The following ERICH6 variants were observed in gnomAD, a reference collection of about 807,000 sequenced individuals.
The protein encoded by ERICH6 is glutamate rich 6.
A neutral mutation model predicts 71.0 loss-of-function variants in ERICH6; 71 were observed. The observed-to-expected ratio is 1.00, with a 90% CI of 0.83 to 1.22. The LOEUF (loss-of-function observed/expected upper bound fraction) is 1.22, where lower values mean the gene tolerates loss of function less well. ERICH6 is among the 50% of genes most tolerant of loss of function. The pLI is 0.00. For synonymous variants in ERICH6, 262 were observed against 278.4 expected, an observed-to-expected ratio of 0.94 and a Z score of 0.59; for missense variants, 808 against 797.2, an observed-to-expected ratio of 1.01 and a Z score of -0.16.
intron 6 of ERICH6, 37 bp from the exon 7 acceptor site, chr3:150,682,353 A>ACACCCCG (rs1712002831): frequency 6.5e-7 from 1 of 1,528,228 alleles, no homozygotes; most frequent in Admixed American, 1.7e-5. Flanking sequence ...AGAAGTCCCC[A>ACACCCCG]CAAAGAGGCC....
At chr3:150,702,994 CAG>C (rs71676608) in intron 1 of ERICH6, among the ~76,000 whole-genome samples, 49,648 of 123,688 alleles carry the variant, frequency 0.4, 10,010 homozygotes, top group East Asian at 0.58. Context: ...GGAGGGGGAA[CAG>C]AGAGAGAGAG....
At chr3:150,663,588 C>A (rs1356544188) in intron 13 of ERICH6, among the ~76,000 whole-genome samples, 2 of 152,108 alleles carry the variant, frequency 1.3e-5, no homozygotes, top group African/African-American at 4.8e-5. Context: ...TATCCTTTCA[C>A]CTCAGCCTCC....
chr3:150,703,431 T>C, intron 1 of ERICH6, 65 bp downstream of exon 1: 2 of 1,481,714 alleles, frequency 1.3e-6, no homozygotes, highest in South Asian at 1.4e-5. Context: ...CACCCAGGAG[T>C]GGGTGGACCA....
chr3:150,681,866 G>A (rs1711962448), intron 7 of ERICH6, among the ~76,000 whole-genome samples: 1 of 134,942 alleles, frequency 7.4e-6, no homozygotes, highest in South Asian at 2.3e-4. Flanking sequence ...CCAGGCTGGA[G>A]TGCAGTGGCA....
At position 150,690,790 on chromosome 3, in the gene ERICH6, T is replaced by G. The variant is rs116810140; in HGVS notation, c.554-4436A>C. On this transcript the variant is annotated intron_variant, in intron 3 of 13. Coordinates refer to ENST00000295910, the MANE Select transcript of ERICH6 (RefSeq NM_152394.5). The stretch of plus-strand genomic sequence containing the variant: ...AGATGTCAAAATTTGACATAGGGGT[T>G]ACAAAACTATAAACCCAGCCCAAGA... Among the ~76,000 whole-genome samples, 540 of 152,328 alleles carry G rather than the reference T, an allele frequency of 3.5e-3. 5 individuals are homozygous for G. The highest frequency in any genetic ancestry group is 0.013 in the African/African-American group (523 of 41,596).
chr3:150,687,660 T>A (rs565964343), intron 3 of ERICH6, among the ~76,000 whole-genome samples: 5 of 152,126 alleles, frequency 3.3e-5, no homozygotes, highest in Non-Finnish European at 7.3e-5. Flanking sequence ...TTTGAGTAAA[T>A]GTCTAGAAGC....
At chr3:150,703,431 T>A (rs1403413800) in intron 1 of ERICH6, 65 bp downstream of exon 1, 36 of 1,481,598 alleles carry the variant, frequency 2.4e-5, no homozygotes, top group Middle Eastern at 2.3e-4. Flanking sequence ...CACCCAGGAG[T>A]GGGTGGACCA....
At chr3:150,669,643 A>G (rs1291455793) in intron 11 of ERICH6, among the ~76,000 whole-genome samples, 192 bp from the exon 12 acceptor site, 1 of 152,158 alleles carries the variant, frequency 6.6e-6, no homozygotes, top group African/African-American at 2.4e-5. Flanking sequence ...CCTCAACAAA[A>G]TCTTGCAAAT....
chr3:150,701,291 A>T (rs1712860629), intron 2 of ERICH6, among the ~76,000 whole-genome samples: 1 of 152,200 alleles, frequency 6.6e-6, no homozygotes, highest in South Asian at 2.1e-4. Flanking sequence ...AGAAAAACTA[A>T]AAATAATATA....
At chr3:150,689,964 C>T (rs796191081) in intron 3 of ERICH6, among the ~76,000 whole-genome samples, 1 of 152,144 alleles carries the variant, frequency 6.6e-6, no homozygotes, top group South Asian at 2.1e-4. Flanking sequence ...ACAGAGGTTA[C>T]TCTTGGGTTT....
chr3:150,688,797 A>C (rs2108068542), intron 3 of ERICH6, among the ~76,000 whole-genome samples: 1 of 152,314 alleles, frequency 6.6e-6, no homozygotes, highest in African/African-American at 2.4e-5. Context: ...TTCCAGACGA[A>C]ACCAATATCC....
intron 9 of ERICH6, among the ~76,000 whole-genome samples, chr3:150,679,519 G>A (rs1160871120): frequency 2.0e-5 from 3 of 152,214 alleles, no homozygotes; most frequent in Admixed American, 1.3e-4. Context: ...CATTTACCCC[G>A]AATCAGACAG....
At chr3:150,702,240 C>T (rs1471788013) in intron 1 of ERICH6, 62 bp from the exon 2 acceptor site, 1 of 988,016 alleles carries the variant, frequency 1.0e-6, no homozygotes, top group Admixed American at 2.5e-5. Context: ...AATTCTACCC[C>T]CCCCAGGAAC....
In ERICH6 at chr3:150,680,803, CT is replaced by C. The variant is rs1424726631; in HGVS notation, c.1009del (p.Arg337AspfsTer23). ...PHAAHGSEVD[R>X]LKAKEKALQR... ...CAGGGCTTTTTCTTTTGCCTTGAGTCTGTCGACCTCACTACCATGGGCTGCA... is the reference window on the plus strand; with the variant it reads ...CAGGGCTTTTTCTTTTGCCTTGAGTCGTCGACCTCACTACCATGGGCTGCA... On this transcript the variant is annotated frameshift_variant, in exon 8 of 14. Transcript: ENST00000295910. LOFTEE classifies it high-confidence loss of function. 1.2e-6 allele frequency: 2 copies of C among 1,611,446 alleles called. No individual in the cohort carries two copies. The highest frequency in any genetic ancestry group is 1.7e-6 in the Non-Finnish European group (2 of 1,179,442).
chr3:150,681,013 G>T, intron 7 of ERICH6, 83 bp from the exon 8 acceptor site: 1 of 1,395,044 alleles, frequency 7.2e-7, no homozygotes, highest in Non-Finnish European at 9.6e-7. Context: ...ACAAGGTTTG[G>T]ATAACAATCC....
chr3:150,673,813 T>C (rs987055666), intron 11 of ERICH6, 143 bp downstream of exon 11: 1 of 654,436 alleles, frequency 1.5e-6, no homozygotes, highest in Admixed American at 2.8e-5. Context: ...CCTTCTGAGC[T>C]CAAGTGATCT....
Position 150,674,046 on chromosome 3 carries a change from A to G in ERICH6, c.1258-5T>C. 6.2e-7 allele frequency: 1 copy of G among 1,612,190 alleles called. No individual in the cohort carries two copies. The highest frequency in any genetic ancestry group is 1.7e-4 in the Middle Eastern group (1 of 6,048). On this transcript the variant is annotated splice_region_variant and splice_polypyrimidine_tract_variant and intron_variant, in intron 10 of 13. Transcript: ENST00000295910. ...TAAGAGCTCATTCCTGACAACCTAT[A>G]CACCACAGAAAAGAAAAGACACTTA...
chr3:150,684,792 CTTTT>C (rs372988679), intron 6 of ERICH6, among the ~76,000 whole-genome samples: 2 of 149,094 alleles, frequency 1.3e-5, no homozygotes, highest in South Asian at 4.2e-4. Flanking sequence ...TTCTTTCTTT[CTTTT>C]TTTTTTAATA....
At chr3:150,681,603 C>A (rs1478153550) in intron 7 of ERICH6, among the ~76,000 whole-genome samples, 1 of 152,068 alleles carries the variant, frequency 6.6e-6, no homozygotes, top group African/African-American at 2.4e-5. Context: ...GTATGTTGAA[C>A]CTTTCAAGGA....
Sources: gnomAD v4.1 joint callset for allele counts (sites outside exome capture counted in the v4.1 genomes callset) on GRCh38, gnomAD v4.1.1 for gene constraint, MANE v1.5 for transcripts, NCBI Gene and HGNC (gene_info 2026-07-23, HGNC 2026-07-21) for gene names.